The following FOCAD variants were observed in gnomAD, a reference collection of about 807,000 sequenced individuals.
FOCAD encodes KIAA1797.
A neutral mutation model predicts 225.6 loss-of-function variants in FOCAD; 198 were observed. That is an observed-to-expected ratio of 0.88 (90% CI 0.78 to 0.99). The LOEUF is 0.99. FOCAD is among the 50% of genes least tolerant of loss of function. The pLI, the probability that FOCAD is intolerant of heterozygous loss-of-function variation, is 0.00. For missense variants in FOCAD, 2,713 were observed against 2,123.6 expected (o/e 1.28, Z -5.46); for synonymous variants, 897 against 755.0 (o/e 1.19, Z -3.08).
At chr9:20,766,590 A>G (rs1338134911) in intron 7 of FOCAD, among the ~76,000 whole-genome samples, 1 of 151,838 alleles carries the variant, frequency 6.6e-6, no homozygotes, top group African/African-American at 2.4e-5. Flanking sequence ...AAAAAACCCC[A>G]TCTGTATCCT....
intron 15 of FOCAD, among the ~76,000 whole-genome samples, chr9:20,856,361 A>T (rs1402577504): frequency 6.6e-6 from 1 of 151,908 alleles, no homozygotes; most frequent in East Asian, 1.9e-4. Context: ...AGCATTTTTC[A>T]TGTACCTGCT....
chr9:20,885,232 T>C lies in FOCAD; in HGVS notation c.2625+2T>C, dbSNP rs145752860. The C allele has an allele frequency of 6.5e-5, 98 of 1,503,716 alleles. No individual in the cohort carries two copies. The highest frequency in any genetic ancestry group is 8.6e-5 in the Non-Finnish European group (97 of 1,125,192). The allele number at this position is 1,503,716 out of a possible 1,614,324, so 93.1% of individuals were successfully genotyped here. On this transcript the variant is annotated splice_donor_variant, in intron 21 of 43. Coordinates refer to ENST00000338382, the MANE Select transcript of FOCAD (RefSeq NM_001375567.1). LOFTEE classifies it high-confidence loss of function. Reference sequence around the variant, plus strand: ...ACTTCACTTGCTCTTGTACATGAGGTAGGTTCCCGTGTCCTCTTCTTTATG... The same window carrying C: ...ACTTCACTTGCTCTTGTACATGAGGCAGGTTCCCGTGTCCTCTTCTTTATG...
At chr9:20,852,592 C>T (rs1827777534) in intron 15 of FOCAD, among the ~76,000 whole-genome samples, 1 of 151,760 alleles carries the variant, frequency 6.6e-6, no homozygotes, top group African/African-American at 2.4e-5. Flanking sequence ...GTAAAGTGGA[C>T]TAAACTCAAG....
chr9:20,676,236 C>T (rs1822230819), intron 2 of FOCAD, among the ~76,000 whole-genome samples: 1 of 152,194 alleles, frequency 6.6e-6, no homozygotes, highest in Admixed American at 6.5e-5. Flanking sequence ...TTCATTTACT[C>T]TGGTGGACTT....
At position 20,943,694 on chromosome 9, in the gene FOCAD, T is replaced by C. The variant is rs187240296; in HGVS notation, c.3408-933T>C. 2.6e-5 allele frequency among the ~76,000 whole-genome samples: 4 copies of C among 152,294 alleles called. No homozygotes were observed. In the East Asian group the frequency reaches 7.7e-4, roughly 29 times the overall value. On this transcript the variant is annotated intron_variant, in intron 28 of 43. Coordinates refer to ENST00000338382, the MANE Select transcript of FOCAD (RefSeq NM_001375567.1). ...ACATGTGGGCATTGAGATACATTATTGGAGAAATGCCCTGGAATGTCTTCT... is the reference window on the plus strand; with the variant it reads ...ACATGTGGGCATTGAGATACATTATCGGAGAAATGCCCTGGAATGTCTTCT...
intron 40 of FOCAD, among the ~76,000 whole-genome samples, chr9:20,986,790 C>G (rs1477902061): frequency 1.3e-5 from 2 of 152,066 alleles, no homozygotes; most frequent in African/African-American, 4.8e-5. Flanking sequence ...TTGATTCTGC[C>G]TGATGATTTC....
intron 8 of FOCAD, among the ~76,000 whole-genome samples, chr9:20,776,104 C>T (rs1418698781): frequency 6.6e-6 from 1 of 152,118 alleles, no homozygotes; most frequent in Non-Finnish European, 1.5e-5. Context: ...GCAATACAGG[C>T]ATCATCAAGT....
At chr9:20,694,875 A>ATT (rs1418562454) in intron 1 of FOCAD, among the ~76,000 whole-genome samples, 1 of 152,220 alleles carries the variant, frequency 6.6e-6, no homozygotes, top group Admixed American at 6.5e-5. Context: ...CATATTTCAG[A>ATT]ATTTCTCAGT....
intron 7 of FOCAD, 43 bp downstream of exon 7, chr9:20,765,116 T>A: frequency 6.5e-7 from 1 of 1,530,872 alleles, no homozygotes; most frequent in Non-Finnish European, 8.9e-7. Flanking sequence ...TCAGCATCAG[T>A]AAGTGTTGTT....
intron 18 of FOCAD, among the ~76,000 whole-genome samples, chr9:20,868,889 A>T (rs947361579): frequency 1.3e-5 from 2 of 152,060 alleles, no homozygotes; most frequent in African/African-American, 4.8e-5. Flanking sequence ...ATGGAGAATC[A>T]TTGCTTCTAA....
chr9:20,939,354 A>G (rs1355073727), intron 28 of FOCAD, among the ~76,000 whole-genome samples: 1 of 152,158 alleles, frequency 6.6e-6, no homozygotes, highest in Non-Finnish European at 1.5e-5. Flanking sequence ...AGATATTTTC[A>G]TGTCTCTTTC....
At chr9:20,867,388 C>T (rs1428546962) in intron 18 of FOCAD, among the ~76,000 whole-genome samples, 1 of 151,862 alleles carries the variant, frequency 6.6e-6, no homozygotes, top group Non-Finnish European at 1.5e-5. Context: ...TTGTGATAAA[C>T]AATGGGATGC....
intron 11 of FOCAD, among the ~76,000 whole-genome samples, chr9:20,799,007 A>G (rs1222053274): frequency 6.6e-6 from 1 of 152,062 alleles, no homozygotes. Context: ...TTCCCTGTAC[A>G]CACTGCTTTG....
upstream of FOCAD, among the ~76,000 whole-genome samples, chr9:20,655,665 C>CT (rs1409438795): frequency 6.6e-6 from 1 of 152,192 alleles, no homozygotes; most frequent in African/African-American, 2.4e-5. Flanking sequence ...ATTCTTCTCT[C>CT]TTTTTTTCTT....
At chr9:20,908,712 G>A (rs540148689) in intron 22 of FOCAD, among the ~76,000 whole-genome samples, 1 of 152,196 alleles carries the variant, frequency 6.6e-6, no homozygotes, top group Admixed American at 6.5e-5. Context: ...AATGACTCAT[G>A]TCTCTATATT....
At chr9:20,865,487 C>T (rs963777170) in intron 16 of FOCAD, among the ~76,000 whole-genome samples, 3 of 151,896 alleles carry the variant, frequency 2.0e-5, no homozygotes, top group Non-Finnish European at 4.4e-5. Flanking sequence ...TGGTTTAGGT[C>T]TTTGAAATGA....
intron 41 of FOCAD, 48 bp downstream of exon 41, chr9:20,988,477 A>T: frequency 9.8e-7 from 1 of 1,022,468 alleles, no homozygotes; most frequent in Non-Finnish European, 1.4e-6. Flanking sequence ...TACAGAACTT[A>T]TATTAGGTTG....
chr9:20,858,576 G>A (rs1023232373), intron 15 of FOCAD, among the ~76,000 whole-genome samples: 24 of 151,524 alleles, frequency 1.6e-4, no homozygotes, highest in Non-Finnish European at 3.4e-4. Flanking sequence ...TAATCTTTTT[G>A]TTGCTTTTCA....
At chr9:20,709,029 G>T (rs761018360) in intron 1 of FOCAD, among the ~76,000 whole-genome samples, 12 of 152,170 alleles carry the variant, frequency 7.9e-5, no homozygotes, top group Middle Eastern at 3.4e-3. Flanking sequence ...AAGTACTTTT[G>T]TGTGATACAT....
Sources: gnomAD v4.1 joint callset for allele counts (sites outside exome capture counted in the v4.1 genomes callset) on GRCh38, gnomAD v4.1.1 for gene constraint, MANE v1.5 for transcripts, NCBI Gene and HGNC (gene_info 2026-07-23, HGNC 2026-07-21) for gene names.